Variants in CRTC3 observed in about 807,000 individuals in gnomAD.
CRTC3 encodes the protein CREB regulated transcription coactivator 3, also known as CREB-regulated transcription coactivator 3.
Under a neutral mutation model 74.5 loss-of-function variants are expected in CRTC3, and 26 were observed. The ratio of observed to expected loss-of-function variants is 0.35; its 90% CI spans 0.26 to 0.48. The LOEUF is 0.48. Among genes scored for constraint, CRTC3 ranks in the 20% least tolerant of loss-of-function variants. The pLI is 0.99. For synonymous variants in CRTC3, 377 were observed against 325.8 expected, an observed-to-expected ratio of 1.16 and a Z score of -1.69; for missense variants, 760 against 787.3, an observed-to-expected ratio of 0.97 and a Z score of 0.41.
chr15:90,532,160 G>C (rs192569690), intron 1 of CRTC3, among the ~76,000 whole-genome samples: 2 of 152,108 alleles, frequency 1.3e-5, no homozygotes, highest in East Asian at 3.9e-4. Flanking sequence ...TTTCTTCTTG[G>C]CCAGTTACCA....
chr15:90,584,428 G>A (rs969158451), intron 2 of CRTC3, among the ~76,000 whole-genome samples: 1 of 152,024 alleles, frequency 6.6e-6, no homozygotes, highest in Non-Finnish European at 1.5e-5. Context: ...GTAGACATGG[G>A]GTTTCACCAT....
intron 6 of CRTC3, 28 bp from the exon 7 acceptor site, chr15:90,614,425 T>C: frequency 1.3e-6 from 2 of 1,562,890 alleles, no homozygotes; most frequent in Non-Finnish European, 1.8e-6. Context: ...AAAAGTGTTT[T>C]CTTTTTTTCT....
intron 2 of CRTC3, among the ~76,000 whole-genome samples, chr15:90,573,335 A>G (rs1018776836): frequency 7.9e-5 from 12 of 151,928 alleles, no homozygotes; most frequent in African/African-American, 2.7e-4. Flanking sequence ...TATTTTCTCC[A>G]TCTAGTAGTT....
intron 9 of CRTC3, 93 bp downstream of exon 9, chr15:90,619,883 T>A: frequency 9.8e-7 from 1 of 1,018,486 alleles, no homozygotes; most frequent in Non-Finnish European, 1.5e-6. Context: ...CTCAGAAACG[T>A]AACTTGCTAT....
Position 90,638,725 on chromosome 15 carries a change from T to A in CRTC3, c.1468-10T>A, listed in dbSNP as rs1596152844. Reference sequence around the variant, plus strand: ...TCCAAGCTAAATGATCATCTCCTTATTCCCTGAAGGGCTCATCTTTGACCA... The same window carrying A: ...TCCAAGCTAAATGATCATCTCCTTAATCCCTGAAGGGCTCATCTTTGACCA... On this transcript the variant is annotated splice_polypyrimidine_tract_variant and intron_variant, in intron 12 of 14. Transcript: ENST00000268184. 2 of 1,613,692 alleles carry A rather than the reference T, an allele frequency of 1.2e-6. No homozygotes were observed. The highest frequency in any genetic ancestry group is 4.5e-5 in the East Asian group (2 of 44,874).
intron 6 of CRTC3, among the ~76,000 whole-genome samples, chr15:90,611,078 G>A: frequency 6.6e-6 from 1 of 152,134 alleles, no homozygotes; most frequent in East Asian, 1.9e-4. Context: ...TTAATTGCAT[G>A]GATTGGGCGG....
At chr15:90,603,317 C>T (rs1046696536) in intron 4 of CRTC3, among the ~76,000 whole-genome samples, 3 of 150,154 alleles carry the variant, frequency 2.0e-5, no homozygotes, top group Non-Finnish European at 4.4e-5. Context: ...GTGGCAGGCG[C>T]CTGTAGTCCC....
At chr15:90,605,731 G>C (rs1968200041) in intron 5 of CRTC3, among the ~76,000 whole-genome samples, 2 of 152,120 alleles carry the variant, frequency 1.3e-5, no homozygotes, top group South Asian at 4.1e-4. Context: ...TGGCTTCATA[G>C]CCACCTGAGG....
chr15:90,564,380 G>A (rs900238244), intron 2 of CRTC3, among the ~76,000 whole-genome samples: 1 of 152,124 alleles, frequency 6.6e-6, no homozygotes, highest in Non-Finnish European at 1.5e-5. Flanking sequence ...GGTAGTAGCT[G>A]CTCCTTTGCC....
Position 90,629,517 on chromosome 15 carries a change from A to G in CRTC3, c.1251A>G (p.Pro417=). Reference sequence around the variant, plus strand: ...TGTCTTCAACCAGCCCACTGGCCCCATATCCTACCTCCCAGGTAAACACAC... The same window carrying G: ...TGTCTTCAACCAGCCCACTGGCCCCGTATCCTACCTCCCAGGTAAACACAC... ...RQLSSTSPLA[P]YPTSQMVSSD... The change falls in exon 11 of 15, where the codon CCA becomes CCG. Residue 417 remains proline, a synonymous_variant. Coordinates refer to ENST00000268184, the MANE Select transcript of CRTC3 (RefSeq NM_022769.5). The G allele has an allele frequency of 1.2e-6, 2 of 1,613,936 alleles. No individual in the cohort carries two copies. Among genetic ancestry groups the G allele is most frequent in the Non-Finnish European group, 1.7e-6 (2 of 1,179,914 alleles).
Position 90,644,598 on chromosome 15 carries a change from T to A in CRTC3, c.*2458T>A, listed in dbSNP as rs997568244. Reference sequence around the variant, plus strand: ...GGGTGTACACTGGGGGCAATATGGTTTAGCACTGAATTCAATTTGTCCTTA... The same window carrying A: ...GGGTGTACACTGGGGGCAATATGGTATAGCACTGAATTCAATTTGTCCTTA... On this transcript the variant is annotated 3_prime_UTR_variant, in exon 15 of 15. Coordinates refer to ENST00000268184, the MANE Select transcript of CRTC3 (RefSeq NM_022769.5). 49 of 232,434 alleles carry A rather than the reference T, an allele frequency of 2.1e-4. 1 individual carries two copies. The highest frequency in any genetic ancestry group is 2.6e-3 in the Middle Eastern group (2 of 774). 14.4% of individuals were successfully genotyped at this position (232,434 alleles called of 1,614,324 possible).
At chr15:90,598,218 T>C in intron 3 of CRTC3, 1 of 559,864 alleles carries the variant, frequency 1.8e-6, no homozygotes. Context: ...CCAGGTACAC[T>C]GACCGCACAG....
chr15:90,549,859 TG>T (rs1229096415), intron 2 of CRTC3, among the ~76,000 whole-genome samples: 1 of 151,468 alleles, frequency 6.6e-6, no homozygotes, highest in African/African-American at 2.4e-5. Flanking sequence ...CCTGCCACCA[TG>T]CCCGGCTCAT....
chr15:90,629,130 C>A, intron 10 of CRTC3, 104 bp from the exon 11 acceptor site: 2 of 1,117,578 alleles, frequency 1.8e-6, no homozygotes, highest in Non-Finnish European at 2.5e-6. Context: ...CCTTTACCTA[C>A]AGAATCATCA....
chr15:90,593,744 C>A lies in CRTC3; in HGVS notation c.340C>A (p.Pro114Thr), dbSNP rs749056194. 1 of 1,602,664 alleles carries A rather than the reference C, an allele frequency of 6.2e-7. No individual in the cohort carries two copies. The highest frequency in any genetic ancestry group is 1.7e-5 in the Admixed American group (1 of 59,756). The stretch of plus-strand genomic sequence containing the variant: ...CCTCCACCGAAGGTCTGGGGACAAG[C>A]CAGGGCGACAAATATCCTTTTTTAC... ...HPLHRRSGDK[P>T]GRQFDGSAFG... The change falls in exon 3 of 15, where the codon CCA becomes ACA. Residue 114 changes from proline (P) to threonine (T), a missense_variant. By Grantham distance (38) the Pro-to-Thr change is conservative. Around this residue, in one of 2 missense-constraint regions of CRTC3, gnomAD observed 652 missense variants for 635.2 expected, o/e 1.03. Coordinates refer to ENST00000268184, the MANE Select transcript of CRTC3 (RefSeq NM_022769.5).
At chr15:90,609,306 A>C (rs1457510849) in intron 6 of CRTC3, among the ~76,000 whole-genome samples, 1 of 152,192 alleles carries the variant, frequency 6.6e-6, no homozygotes, top group African/African-American at 2.4e-5. Flanking sequence ...ATATGGGTGC[A>C]CTGCTCACTG....
chr15:90,584,082 C>G (rs12438950), intron 2 of CRTC3, among the ~76,000 whole-genome samples: 1 of 151,884 alleles, frequency 6.6e-6, no homozygotes. Flanking sequence ...AAGAGAGGCA[C>G]AGTTGTTCCT....
chr15:90,556,406 A>G (rs11073935), intron 2 of CRTC3, among the ~76,000 whole-genome samples: 102,248 of 152,068 alleles, frequency 0.67, 35,742 homozygotes, highest in Non-Finnish European at 0.77. Flanking sequence ...AAAACTTCTG[A>G]CACTGATGGA....
At chr15:90,560,467 A>G (rs1966987160) in intron 2 of CRTC3, among the ~76,000 whole-genome samples, 1 of 152,256 alleles carries the variant, frequency 6.6e-6, no homozygotes, top group Non-Finnish European at 1.5e-5. Flanking sequence ...CCCTGTGGGC[A>G]GAATTCGCTT....
Sources: allele counts gnomAD v4.1 joint callset (sites outside exome capture counted in the v4.1 genomes callset), GRCh38; gene constraint gnomAD v4.1.1; regional missense constraint gnomAD v4.1.1; transcripts MANE v1.5; gene names NCBI Gene and HGNC (gene_info 2026-07-23, HGNC 2026-07-21).